Variants in PDE1A observed in about 807,000 individuals in gnomAD.
PDE1A encodes the protein dual specificity calcium/calmodulin-dependent 3',5'-cyclic nucleotide phosphodiesterase 1A.
PDE1A carries 35 observed loss-of-function variants against 61.7 expected under a neutral mutation model. The ratio of observed to expected loss-of-function variants is 0.57; its 90% confidence interval spans 0.43 to 0.75. PDE1A has a LOEUF of 0.75. Ranked by LOEUF, PDE1A falls within the 30% of genes least tolerant of loss-of-function variation. The probability of loss-of-function intolerance (pLI) is 0.00; values close to 1 mark genes in which losing one functional copy is unlikely to be tolerated. For synonymous variants in PDE1A, 232 were observed against 213.2 expected, an observed-to-expected ratio of 1.09 and a Z score of -0.77; for missense variants, 597 against 630.6, an observed-to-expected ratio of 0.95 and a Z score of 0.57.
At chr2:182,369,423 A>T (rs183349296) in intron 1 of PDE1A, among the ~76,000 whole-genome samples, 214 of 152,342 alleles carry the variant, frequency 1.4e-3, no homozygotes, top group African/African-American at 4.9e-3. Flanking sequence ...ATTGCTTAAA[A>T]GGCAGCTGCA....
intron 10 of PDE1A, among the ~76,000 whole-genome samples, chr2:182,197,520 C>A (rs1239052288): frequency 6.6e-6 from 1 of 150,764 alleles, no homozygotes; most frequent in Admixed American, 6.6e-5. Context: ...CCTCTAAGAT[C>A]TTTATAGTTT....
At chr2:182,395,709 T>C (rs1023260070) in intron 1 of PDE1A, among the ~76,000 whole-genome samples, 6 of 149,282 alleles carry the variant, frequency 4.0e-5, no homozygotes, top group African/African-American at 1.5e-4. Context: ...GCAGATCCAA[T>C]GGTGCTTGAG....
the PDE1A span, among the ~76,000 whole-genome samples, chr2:182,532,809 G>T: frequency 6.6e-6 from 1 of 151,232 alleles, no homozygotes; most frequent in Non-Finnish European, 1.5e-5. Context: ...TTATACGGGC[G>T]CGGTGGTGGG....
intron 1 of PDE1A, among the ~76,000 whole-genome samples, chr2:182,392,337 T>C (rs150362691): frequency 0.021 from 3,193 of 152,232 alleles, 114 homozygotes; most frequent in African/African-American, 0.074. Flanking sequence ...GACTTATTCA[T>C]TATCACAAGA....
the PDE1A span, among the ~76,000 whole-genome samples, chr2:182,663,586 A>G: frequency 6.6e-6 from 1 of 152,118 alleles, no homozygotes; most frequent in Non-Finnish European, 1.5e-5. Flanking sequence ...AAAACCAAAT[A>G]CCTCATGTTC....
At chr2:182,384,328 T>C (rs1462811103) in intron 1 of PDE1A, among the ~76,000 whole-genome samples, 2 of 151,900 alleles carry the variant, frequency 1.3e-5, no homozygotes, top group African/African-American at 2.4e-5. Flanking sequence ...ATGAAATATA[T>C]AAACCACCTG....
the PDE1A span, among the ~76,000 whole-genome samples, chr2:182,562,812 A>T: frequency 6.6e-6 from 1 of 152,108 alleles, no homozygotes; most frequent in Non-Finnish European, 1.5e-5. Context: ...GAATTTATCC[A>T]TTTCTTCTAG....
At chr2:182,272,385 C>T (rs909988541) in intron 1 of PDE1A, among the ~76,000 whole-genome samples, 1 of 152,140 alleles carries the variant, frequency 6.6e-6, no homozygotes. Context: ...TTCATTTTTT[C>T]ACTGGGTCCT....
intron 1 of PDE1A, among the ~76,000 whole-genome samples, chr2:182,333,702 T>C (rs1697581952): frequency 6.6e-6 from 1 of 151,964 alleles, no homozygotes. Flanking sequence ...ATTCAAAAGC[T>C]AGCAGAAGAC....
At chr2:182,373,196 A>C (rs1700212929) in intron 1 of PDE1A, among the ~76,000 whole-genome samples, 1 of 152,198 alleles carries the variant, frequency 6.6e-6, no homozygotes, top group African/African-American at 2.4e-5. Flanking sequence ...ACACTGCATT[A>C]TAATAATGGA....
At chr2:182,393,547 T>C (rs1047116660) in intron 1 of PDE1A, among the ~76,000 whole-genome samples, 1 of 152,232 alleles carries the variant, frequency 6.6e-6, no homozygotes, top group African/African-American at 2.4e-5. Flanking sequence ...CCTCAGAAGA[T>C]GGGTTTTTCT....
At chr2:182,257,950 G>A (rs766109274) in intron 2 of PDE1A, among the ~76,000 whole-genome samples, 4 of 152,102 alleles carry the variant, frequency 2.6e-5, no homozygotes, top group East Asian at 1.9e-4. Flanking sequence ...GGCAGATCAC[G>A]AGGTCAGGAG....
intron 1 of PDE1A, among the ~76,000 whole-genome samples, chr2:182,364,492 A>AAAAAAAAAAAAAAAAAAC (rs1559379282): frequency 6.9e-6 from 1 of 145,048 alleles, no homozygotes; most frequent in Non-Finnish European, 1.5e-5. Context: ...AAAAAAAAAA[A>AAAAAAAAAAAAAAAAAAC]AAAAAAACCT....
chr2:182,257,687 T>C (rs747064230), intron 2 of PDE1A, among the ~76,000 whole-genome samples: 1 of 152,170 alleles, frequency 6.6e-6, no homozygotes, highest in Non-Finnish European at 1.5e-5. Flanking sequence ...ATGAATGACA[T>C]TAATTTTGAT....
At chr2:182,597,536 G>T in the PDE1A span, among the ~76,000 whole-genome samples, 1 of 152,116 alleles carries the variant, frequency 6.6e-6, no homozygotes, top group Non-Finnish European at 1.5e-5. Flanking sequence ...GTCCTGAGAG[G>T]TGTGGGGGAA....
At chr2:182,497,762 G>A (rs1199847628) in intron 2 of PDE1A, among the ~76,000 whole-genome samples, 2 of 152,022 alleles carry the variant, frequency 1.3e-5, no homozygotes, top group Non-Finnish European at 2.9e-5. Context: ...AGAGCACCCG[G>A]CAGGGCGCGG....
chr2:182,349,695 G>T (rs1309974104), intron 1 of PDE1A, among the ~76,000 whole-genome samples: 1 of 152,124 alleles, frequency 6.6e-6, no homozygotes, highest in African/African-American at 2.4e-5. Flanking sequence ...GGGAGGCGGA[G>T]GTTGCAGTGA....
chr2:182,659,391 C>A, the PDE1A span, among the ~76,000 whole-genome samples: 1 of 152,060 alleles, frequency 6.6e-6, no homozygotes, highest in African/African-American at 2.4e-5. Flanking sequence ...ATGAAGCAGA[C>A]AAGAATCATA....
the PDE1A span, among the ~76,000 whole-genome samples, chr2:182,647,743 T>A: frequency 5.3e-5 from 8 of 152,202 alleles, no homozygotes; most frequent in Admixed American, 5.2e-4. Context: ...GGCTACAATT[T>A]CAGAATCATT....
Sources: allele counts gnomAD v4.1 joint callset (sites outside exome capture counted in the v4.1 genomes callset), GRCh38; gene constraint gnomAD v4.1.1; transcripts MANE v1.5; gene names NCBI Gene and HGNC (gene_info 2026-07-23, HGNC 2026-07-21).